Variants in PLCH2 observed in about 807,000 individuals in gnomAD.
The protein encoded by PLCH2 is 1-phosphatidylinositol 4,5-bisphosphate phosphodiesterase eta-2.
A neutral mutation model predicts 134.7 loss-of-function variants in PLCH2; 98 were observed. That is an observed-to-expected ratio of 0.73 (90% CI 0.62 to 0.86). The LOEUF is 0.86. PLCH2 is among the 40% of genes least tolerant of loss of function. The pLI is 0.00. For missense variants in PLCH2, 1,994 were observed against 1,986.6 expected, an observed-to-expected ratio of 1.00 and a Z score of -0.07; for synonymous variants, 974 against 827.5, an observed-to-expected ratio of 1.18 and a Z score of -3.04.
upstream of PLCH2, among the ~76,000 whole-genome samples, chr1:2,473,310 G>A (rs1052119058): frequency 6.6e-6 from 1 of 152,200 alleles, no homozygotes; most frequent in African/African-American, 2.4e-5. Flanking sequence ...GGCAGTCAGG[G>A]TGGGCCGGTG....
At position 2,476,376 on chromosome 1, in the gene PLCH2, C is replaced by T; in HGVS notation, c.-213C>T. 4.2e-6 allele frequency: 2 copies of T among 471,098 alleles called. No homozygotes were observed. The highest frequency in any genetic ancestry group is 4.3e-5 in the South Asian group (1 of 23,268). The allele number at this position is 471,098 out of a possible 1,614,324, so 29.2% of individuals were successfully genotyped here. ...GTGGATAGGCTGGCCTGGGGGCCAT[C>T]AGGACAGCAGGTGACGGTCAGGCCA... On this transcript the variant is annotated 5_prime_UTR_variant, in exon 1 of 22. Coordinates refer to ENST00000378486, the MANE Select transcript of PLCH2 (RefSeq NM_014638.4).
In PLCH2 at chr1:2,498,367, G is replaced by T; in HGVS notation, c.2225-156G>T. On this transcript the variant is annotated intron_variant, in intron 16 of 21. Coordinates refer to ENST00000378486, the MANE Select transcript of PLCH2 (RefSeq NM_014638.4). The surrounding 1 kb of genome is among the most constrained non-coding windows in gnomAD (Gnocchi z 5.4). ...CCATACTGGGCCAGGTGCACCCCGA[G>T]GTGCCCCCCTGGACCACTGCCTCCC... 2 of 742,034 alleles carry T rather than the reference G, an allele frequency of 2.7e-6. No homozygotes were observed. The highest frequency in any genetic ancestry group is 4.3e-6 in the Non-Finnish European group (2 of 462,382). The allele number at this position is 742,034 out of a possible 1,614,324, so 46.0% of individuals were successfully genotyped here. A position where few individuals can be genotyped will look rare whatever the true frequency, so the allele number is the denominator to read the frequency against.
At chr1:2,457,966 G>A (rs1448770536) in intron 2 of PLCH2, among the ~76,000 whole-genome samples, 1 of 152,094 alleles carries the variant, frequency 6.6e-6, no homozygotes, top group Non-Finnish European at 1.5e-5. Context: ...AGGGAGGGCA[G>A]AGAGCAACGT....
At chr1:2,434,881 C>CGCCCATGCTGT (rs1639251496) in intron 2 of PLCH2, among the ~76,000 whole-genome samples, 1 of 152,336 alleles carries the variant, frequency 6.6e-6, no homozygotes, top group Non-Finnish European at 1.5e-5. Flanking sequence ...TGTCCTCGGG[C>CGCCCATGCTGT]GCCCATGCTG....
At position 2,504,835 on chromosome 1, in the gene PLCH2, G is replaced by A; in HGVS notation, c.3873G>A (p.Gly1291=). 6.2e-7 allele frequency: 1 copy of A among 1,607,416 alleles called. No homozygotes were observed. Among genetic ancestry groups the A allele is most frequent in the Non-Finnish European group, 8.5e-7 (1 of 1,177,746 alleles). Residue 1291 remains glycine (G), a synonymous_variant, in exon 22 of 22, where the codon GGG becomes GGA. Coordinates refer to ENST00000378486, the MANE Select transcript of PLCH2 (RefSeq NM_014638.4). ...GLPGGTRRVS[G]PGVRRDTLTE... ...CGGGAGGGACACGGCGGGTGTCGGG[G>A]CCAGGGGTGAGACGGGACACCCTGA... is the stretch of plus-strand genomic sequence containing the variant.
At chr1:2,432,909 C>T (rs2100490994) in intron 2 of PLCH2, among the ~76,000 whole-genome samples, 1 of 152,298 alleles carries the variant, frequency 6.6e-6, no homozygotes, top group South Asian at 2.1e-4. Flanking sequence ...TGTGGCAGTG[C>T]TCCCTTCTCT....
In PLCH2 at chr1:2,448,599, C is replaced by G. The variant is rs1039850348; in HGVS notation, c.115+17970C>G. Among the ~76,000 whole-genome samples the G allele has an allele frequency of 6.6e-6, 1 of 152,152 alleles. No individual in the cohort carries two copies. The highest frequency in any genetic ancestry group is 1.5e-5 in the Non-Finnish European group (1 of 68,030). ...TCTGGGATGCGGATGTGTTTTCTGT[C>G]GGGGGTCGCCCTTCAGCCCCCTACT... On this transcript the variant is annotated intron_variant, in intron 2 of 3. Coordinates refer to the PLCH2 transcript ENST00000609981. The surrounding 1 kb of genome is among the most constrained non-coding windows in gnomAD (Gnocchi z 4.0).
chr1:2,458,273 G>A (rs1640597294), intron 2 of PLCH2, among the ~76,000 whole-genome samples: 1 of 152,222 alleles, frequency 6.6e-6, no homozygotes, highest in African/African-American at 2.4e-5. Context: ...TGGGACAAGG[G>A]TGTGTCCTGC....
intron 2 of PLCH2, among the ~76,000 whole-genome samples, chr1:2,434,277 G>C (rs990008954): frequency 7.2e-5 from 11 of 152,338 alleles, no homozygotes; most frequent in Admixed American, 2.0e-4. Flanking sequence ...AGCCAGGTCA[G>C]AGGCTTTTCT....
intron 9 of PLCH2, 150 bp downstream of exon 9, chr1:2,489,528 T>C: frequency 1.2e-6 from 1 of 828,290 alleles, no homozygotes; most frequent in Non-Finnish European, 1.9e-6. Context: ...GGCCTCCATC[T>C]CCCCATGGTG....
upstream of PLCH2, among the ~76,000 whole-genome samples, chr1:2,476,041 C>A (rs1489364499): frequency 6.6e-6 from 1 of 152,218 alleles, no homozygotes; most frequent in African/African-American, 2.4e-5. Context: ...CACACAGGGT[C>A]CTCGGAGGAC....
At chr1:2,488,678 C>G (rs1642405415) in intron 8 of PLCH2, among the ~76,000 whole-genome samples, 1 of 152,360 alleles carries the variant, frequency 6.6e-6, no homozygotes, top group South Asian at 2.1e-4. Context: ...CCCTGCTATA[C>G]TCCCCATTCT....
At chr1:2,480,685 G>A (rs1641914004) in intron 4 of PLCH2, among the ~76,000 whole-genome samples, 1 of 152,182 alleles carries the variant, frequency 6.6e-6, no homozygotes, top group Admixed American at 6.5e-5. Flanking sequence ...CTCGAGGGGG[G>A]TACACCAGCC....
intron 2 of PLCH2, among the ~76,000 whole-genome samples, chr1:2,455,250 G>A (rs545004141): frequency 2.6e-5 from 4 of 152,204 alleles, no homozygotes; most frequent in African/African-American, 9.7e-5. Flanking sequence ...GGAACTGGAC[G>A]TTGGCTGCGT....
In PLCH2 at chr1:2,498,635, G is replaced by T; in HGVS notation, c.2337G>T (p.Gly779=). ...QLPKPRDSML[G]DRGEIIDPFV... ...CCAAGCCGCGCGACTCCATGCTGGG[G>T]GACCGTGGGGAGGTGGGGGCCAGCC... The change falls in exon 17 of 22, where the codon GGG becomes GGT. Residue 779 remains glycine, a synonymous_variant. Coordinates refer to ENST00000378486, the MANE Select transcript of PLCH2 (RefSeq NM_014638.4). The surrounding 1 kb of genome is among the most constrained non-coding windows in gnomAD (Gnocchi z 5.4). 1 of 1,572,988 alleles carries T rather than the reference G, an allele frequency of 6.4e-7. No individual in the cohort carries two copies. Among genetic ancestry groups the T allele is most frequent in the South Asian group, 1.2e-5 (1 of 85,860 alleles).
rs372254584 is a variant in PLCH2, at chr1:2,446,721, T to C, written c.115+16092T>C. On this transcript the variant is annotated intron_variant, in intron 2 of 3. Coordinates refer to the PLCH2 transcript ENST00000609981. ...CAGCCCAGCTGAGAGCTGGCCAACC[T>C]GGGCCCATGCAGAGGGGTTGGGCTG... is the stretch of plus-strand genomic sequence containing the variant. 5.9e-5 allele frequency among the ~76,000 whole-genome samples: 9 copies of C among 152,110 alleles called. No homozygotes were observed. In the East Asian group the frequency reaches 1.7e-3, roughly 29 times the overall value.
At chr1:2,445,059 A>G (rs1352347238) in intron 2 of PLCH2, among the ~76,000 whole-genome samples, 6 of 152,108 alleles carry the variant, frequency 3.9e-5, no homozygotes. Context: ...GGTCTCCCCT[A>G]GGACCCTGGG....
chr1:2,469,558 G>A (rs1371224518), intron 1 of PLCH2, among the ~76,000 whole-genome samples: 2 of 152,210 alleles, frequency 1.3e-5, no homozygotes, highest in Admixed American at 1.3e-4. Context: ...TGCCCGGGCA[G>A]TGCCCTTTGC....
At chr1:2,436,356 C>T (rs1340397719) in intron 2 of PLCH2, among the ~76,000 whole-genome samples, 1 of 49,142 alleles carries the variant, frequency 2.0e-5, no homozygotes, top group Non-Finnish European at 4.7e-5. Context: ...TCCTCCCTTC[C>T]TCCCTCCTCC....
Sources: gnomAD v4.1 joint callset for allele counts (sites outside exome capture counted in the v4.1 genomes callset) on GRCh38, gnomAD v4.1.1 for gene constraint, Gnocchi (gnomAD v3.1) non-coding constraint, MANE v1.5 for transcripts, NCBI Gene and HGNC (gene_info 2026-07-23, HGNC 2026-07-21) for gene names.